DMD: variants seen among roughly 807,000 people sequenced by gnomAD.
DMD encodes the protein mutant dystrophin.
A neutral mutation model predicts 330.1 loss-of-function variants in DMD; 63 were observed. The observed-to-expected ratio is 0.19, with a 90% CI of 0.16 to 0.24. DMD has a LOEUF of 0.24. Among genes scored for constraint, DMD ranks in the 10% least tolerant of loss-of-function variants. The pLI, the probability that DMD is intolerant of heterozygous loss-of-function variation, is 1.00. For missense variants in DMD, 3,344 were observed against 2,684.1 expected (o/e 1.25, Z -5.43); for synonymous variants, 1,223 against 959.8 (o/e 1.27, Z -5.07).
chrX:33,067,904 G>A (rs985271932), intron 1 of DMD, among the ~76,000 whole-genome samples: 5 of 111,603 alleles, frequency 4.5e-5, no homozygotes, highest in Admixed American at 1.9e-4. Context: ...GAGATGAACT[G>A]TTAATGGTTG....
rs766768395 is a variant in DMD at position 31,206,662 on chromosome X, C to T, written c.9569G>A (p.Arg3190Gln). Reference sequence around the variant, plus strand: ...AGACAGGACACGGATCCTCCCTGTTCGTCCCCTATTATGAAGAATCAAAGC... The same window carrying T: ...AGACAGGACACGGATCCTCCCTGTTTGTCCCCTATTATGAAGAATCAAAGC... ...NWLLNVYDTGRTGRIRVLSFK... is the reference protein window; with the variant it reads ...NWLLNVYDTGQTGRIRVLSFK... The change falls in exon 66 of 79, where the codon CGA becomes CAA. Residue 3190 changes from arginine to glutamine, a missense_variant. By Grantham distance (43) the Arg-to-Gln change is conservative. Transcript: ENST00000357033. 11 of 1,205,838 alleles carry T rather than the reference C, an allele frequency of 9.1e-6. No homozygotes were observed. The highest frequency in any genetic ancestry group is 1.2e-5 in the Non-Finnish European group (11 of 890,786).
intron 52 of DMD, among the ~76,000 whole-genome samples, chrX:31,694,002 G>A (rs868251054): frequency 1.8e-5 from 2 of 111,239 alleles, no homozygotes; most frequent in Non-Finnish European, 3.8e-5. Flanking sequence ...GTCACTACTG[G>A]ATTTCAAAAT....
intron 1 of DMD, among the ~76,000 whole-genome samples, chrX:33,051,864 G>A (rs2094462218): frequency 9.1e-6 from 1 of 109,607 alleles, no homozygotes; most frequent in Non-Finnish European, 1.9e-5. Context: ...GGCCAGGCCA[G>A]TCTCGAACTC....
In DMD at chrX:31,421,956, T is replaced by TACAC. The variant is rs1451935594; in HGVS notation, c.9084+22524_9084+22525insGTGT. On this transcript the variant is annotated intron_variant, in intron 60 of 78. Transcript: ENST00000357033. ...ATACACACACACATATATATATATA[T>TACAC]ATACACATATATATATACACATATA... is the stretch of plus-strand genomic sequence containing the variant. 1.8e-3 allele frequency among the ~76,000 whole-genome samples: 114 copies of TACAC among 62,059 alleles called. 2 individuals carry two copies. The highest frequency in any genetic ancestry group is 5.2e-3 in the East Asian group (9 of 1,743). The allele number at this position is 62,059 out of a possible 115,157, so 53.9% of individuals were successfully genotyped here. A position where few individuals can be genotyped will look rare whatever the true frequency, so the allele number is the denominator to read the frequency against.
chrX:32,541,015 G>C (rs1015198140), intron 17 of DMD, among the ~76,000 whole-genome samples: 74 of 111,437 alleles, frequency 6.6e-4, no homozygotes, highest in African/African-American at 2.4e-3. Flanking sequence ...TATGGCTCAG[G>C]TTATGGACTT....
At chrX:33,233,393 T>A (rs1395099428) in intron 1 of DMD, among the ~76,000 whole-genome samples, 1 of 111,413 alleles carries the variant, frequency 9.0e-6, no homozygotes, top group Non-Finnish European at 1.9e-5. Context: ...AACAACAATA[T>A]CTCTCAGTCA....
At chrX:32,953,367 C>A (rs974261821) in intron 2 of DMD, among the ~76,000 whole-genome samples, 2 of 110,990 alleles carry the variant, frequency 1.8e-5, no homozygotes, top group African/African-American at 6.6e-5. Context: ...AATTACCAAG[C>A]AAGTCATACA....
At position 31,999,385 on chromosome X, in the gene DMD, C is replaced by T. The variant is rs755065712; in HGVS notation, c.6439-30871G>A. On this transcript the variant is annotated intron_variant, in intron 44 of 78. Transcript: ENST00000357033. ...ACTTTCATGAAATTTAAATACATAG[C>T]ATTGCATAAAATTAAAGCAAAATAA... Among the ~76,000 whole-genome samples the T allele has an allele frequency of 1.4e-4, 16 of 111,878 alleles. No individual in the cohort carries two copies. In the East Asian group the frequency reaches 4.2e-3, roughly 30 times the overall value.
chrX:32,333,574 C>A (rs966537888), intron 41 of DMD, among the ~76,000 whole-genome samples: 1 of 110,783 alleles, frequency 9.0e-6, no homozygotes, highest in African/African-American at 3.3e-5. Context: ...ACTTATATTT[C>A]TTTTTTTTAA....
At chrX:32,474,208 T>TACACACACACACAC (rs3045001) in intron 21 of DMD, among the ~76,000 whole-genome samples, 1 of 41,285 alleles carries the variant, frequency 2.4e-5, no homozygotes, top group African/African-American at 4.5e-5. Flanking sequence ...CATACATACA[T>TACACACACACACAC]ACACACACAC....
intron 1 of DMD, among the ~76,000 whole-genome samples, chrX:33,321,310 C>T (rs2054011034): frequency 9.0e-6 from 1 of 111,221 alleles, no homozygotes; most frequent in Admixed American, 9.6e-5. Flanking sequence ...CTCTTTGACC[C>T]ATGGGCTACA....
chrX:32,363,035 G>C, intron 36 of DMD, 77 bp from the exon 37 acceptor site: 1 of 967,474 alleles, frequency 1.0e-6, no homozygotes, highest in Non-Finnish European at 1.4e-6. Context: ...GAGCCAAACA[G>C]AGCGAGTGAG....
chrX:32,840,095 A>C (rs1011556288), intron 4 of DMD, among the ~76,000 whole-genome samples: 11 of 112,185 alleles, frequency 9.8e-5, no homozygotes, highest in Non-Finnish European at 1.9e-4. Context: ...TTTCTGCATG[A>C]GAATGTCTTG....
At chrX:31,689,498 T>C (rs1378458715) in intron 52 of DMD, among the ~76,000 whole-genome samples, 8 of 111,997 alleles carry the variant, frequency 7.1e-5, no homozygotes, top group African/African-American at 2.3e-4. Context: ...GAACATTCCA[T>C]GCTCATGGAT....
At chrX:31,905,090 A>G (rs1181645774) in intron 47 of DMD, among the ~76,000 whole-genome samples, 1 of 111,805 alleles carries the variant, frequency 8.9e-6, no homozygotes, top group African/African-American at 3.2e-5. Flanking sequence ...ATATATACTC[A>G]GATGAAATGA....
intron 2 of DMD, among the ~76,000 whole-genome samples, chrX:32,932,378 A>G (rs956660530): frequency 5.4e-5 from 6 of 112,082 alleles, no homozygotes; most frequent in Non-Finnish European, 5.6e-5. Context: ...CATATTATAT[A>G]TAGTTTCCGT....
intron 44 of DMD, among the ~76,000 whole-genome samples, chrX:32,135,160 A>G (rs909530987): frequency 8.9e-6 from 1 of 112,275 alleles, no homozygotes; most frequent in Non-Finnish European, 1.9e-5. Context: ...AAGGTATCCT[A>G]GATTATTTGA....
intron 2 of DMD, among the ~76,000 whole-genome samples, chrX:32,868,336 T>G (rs111463965): frequency 0.066 from 7,361 of 111,290 alleles, 253 homozygotes; most frequent in South Asian, 0.16. Context: ...CTGCTCAGTT[T>G]CCGGGGGCGG....
chrX:32,364,844 A>T, intron 35 of DMD, 134 bp from the exon 36 acceptor site: 1 of 772,878 alleles, frequency 1.3e-6, no homozygotes, highest in South Asian at 2.8e-5. Context: ...ATTTTCATAT[A>T]GAATATTGCG....
Sources: gnomAD v4.1 joint callset for allele counts (sites outside exome capture counted in the v4.1 genomes callset) on GRCh38, gnomAD v4.1.1 for gene constraint, MANE v1.5 for transcripts, NCBI Gene and HGNC (gene_info 2026-07-23, HGNC 2026-07-21) for gene names.